C19orf12: variants seen among roughly 807,000 people sequenced by gnomAD.
C19orf12 encodes protein C19orf12.
In C19orf12, 2 loss-of-function variants were observed where a neutral mutation model predicts 3.8. That is an observed-to-expected ratio of 0.53 (90% confidence interval 0.22 to 1.66). C19orf12 has a LOEUF of 1.66. Ranked by LOEUF, C19orf12 falls within the 40% of genes most tolerant of loss-of-function variation. The pLI, the probability that C19orf12 is intolerant of heterozygous loss-of-function variation, is 0.20. For missense variants in C19orf12, 156 were observed against 188.8 expected (o/e 0.83, Z 1.02); for synonymous variants, 89 against 84.6 (o/e 1.05, Z -0.28).
In C19orf12 at chr19:29,702,034, C is replaced by T. The variant is rs553070727; in HGVS notation, c.*678G>A. On this transcript the variant is annotated 3_prime_UTR_variant, in exon 3 of 3. Transcript: ENST00000323670. ...AAAAATATTTCATTTGAGAAGTAAA[C>T]CTCAAGAACTACCAGGACTTTTCAG... The T allele has an allele frequency of 1.2e-4, 55 of 452,846 alleles. No individual in the cohort carries two copies. The highest frequency in any genetic ancestry group is 1.0e-3 in the African/African-American group (50 of 50,054). The allele number at this position is 452,846 out of a possible 1,614,324, so 28.1% of individuals were successfully genotyped here.
intron 2 of C19orf12, among the ~76,000 whole-genome samples, chr19:29,703,543 G>A (rs959675799): frequency 2.6e-5 from 4 of 151,760 alleles, no homozygotes; most frequent in Non-Finnish European, 5.9e-5. Context: ...ACCACACCTG[G>A]CTAATTTTTG....
chr19:29,708,459 A>C (rs1470425370), intron 1 of C19orf12, 36 bp from the exon 2 acceptor site: 3 of 1,608,626 alleles, frequency 1.9e-6, no homozygotes, highest in Non-Finnish European at 1.7e-6. Context: ...AGTTTCAATG[A>C]GCATAAGAGT....
At chr19:29,703,383 T>TC (rs1356284602) in intron 2 of C19orf12, among the ~76,000 whole-genome samples, 1 of 142,370 alleles carries the variant, frequency 7.0e-6, no homozygotes, top group Non-Finnish European at 1.5e-5. Flanking sequence ...CTTTTCTTTT[T>TC]TTTTTTTTTT....
intron 1 of C19orf12, 23 bp downstream of exon 1, chr19:29,715,102 C>A (rs1386459698): frequency 1.6e-6 from 1 of 613,990 alleles, no homozygotes; most frequent in South Asian, 1.8e-5. Flanking sequence ...GGCGCCCCGC[C>A]CCGGCTCCGG....
downstream of C19orf12, chr19:29,698,886 T>C (rs753460941): frequency 1.4e-5 from 4 of 289,416 alleles, no homozygotes; most frequent in South Asian, 5.3e-5. Context: ...AAAAGCTGCG[T>C]ACTTTTAAAT....
intron 1 of C19orf12, chr19:29,714,793 T>G (rs531769730): frequency 1.7e-4 from 18 of 108,444 alleles, no homozygotes; most frequent in South Asian, 7.7e-4. Flanking sequence ...CCTCACCCAC[T>G]CCCACCACAT....
intron 2 of C19orf12, chr19:29,705,181 C>T (rs995008948): frequency 8.7e-6 from 2 of 228,648 alleles, no homozygotes; most frequent in South Asian, 5.2e-5. Flanking sequence ...AGGGGCATGT[C>T]ACCTCCCAGG....
chr19:29,711,708 T>C (rs938239341), intron 1 of C19orf12, among the ~76,000 whole-genome samples: 2 of 152,136 alleles, frequency 1.3e-5, no homozygotes, highest in Non-Finnish European at 2.9e-5. Context: ...AGAAAATGCA[T>C]GTAGAAGTGG....
chr19:29,710,147 G>A (rs1000921350), intron 1 of C19orf12, among the ~76,000 whole-genome samples: 1 of 152,194 alleles, frequency 6.6e-6, no homozygotes, highest in African/African-American at 2.4e-5. Context: ...TGGGATTACA[G>A]GTGTGGGCCA....
At chr19:29,703,674 C>G (rs879934080) in intron 2 of C19orf12, among the ~76,000 whole-genome samples, 5 of 152,098 alleles carry the variant, frequency 3.3e-5, no homozygotes, top group Non-Finnish European at 7.4e-5. Context: ...CCACCACAAC[C>G]AGCCACAAAT....
rs1186191488 is a variant in C19orf12 at position 29,700,955 on chromosome 19, C to T, written c.*1757G>A. ...ATTTTTTGTAGAGATGGAGGTCTCACTATATTGCCCAGGCTAGTTTCAAAC... is the reference window on the plus strand; with the variant it reads ...ATTTTTTGTAGAGATGGAGGTCTCATTATATTGCCCAGGCTAGTTTCAAAC... On this transcript the variant is annotated 3_prime_UTR_variant, in exon 3 of 3. Coordinates refer to ENST00000323670, the MANE Select transcript of C19orf12 (RefSeq NM_031448.6). The T allele has an allele frequency of 2.0e-5, 9 of 453,884 alleles. No homozygotes were observed. Among genetic ancestry groups the T allele is most frequent in the Admixed American group, 1.2e-4 (5 of 42,550 alleles). 28.1% of individuals were successfully genotyped at this position (453,884 alleles called of 1,614,324 possible). A position where few individuals can be genotyped will look rare whatever the true frequency, so the allele number is the denominator to read the frequency against.
intron 1 of C19orf12, 75 bp downstream of exon 1, chr19:29,715,050 G>C (rs1430999834): frequency 1.5e-6 from 1 of 674,622 alleles, no homozygotes; most frequent in Admixed American, 2.2e-5. Flanking sequence ...CTCCAGGCCT[G>C]CTCTTGGGGT....
At chr19:29,705,472 G>T in intron 2 of C19orf12, 1 of 292,994 alleles carries the variant, frequency 3.4e-6, no homozygotes, top group Middle Eastern at 1.4e-3. Context: ...TCTGGAGAAT[G>T]GTTAATAGTA....
Position 29,699,470 on chromosome 19 carries a change from G to C in C19orf12, c.*3242C>G, listed in dbSNP as rs886054314. On this transcript the variant is annotated 3_prime_UTR_variant, in exon 3 of 3. Coordinates refer to ENST00000323670, the MANE Select transcript of C19orf12 (RefSeq NM_031448.6). ...TGCACTCCAGCCCGGGCGACAGTGC[G>C]AGACTCCATCTCAAAAAAAAAAAAA... is the stretch of plus-strand genomic sequence containing the variant. 4 of 409,360 alleles carry C rather than the reference G, an allele frequency of 9.8e-6. No homozygotes were observed. Among genetic ancestry groups the C allele is most frequent in the African/African-American group, 9.4e-5 (4 of 42,626 alleles). 25.4% of individuals were successfully genotyped at this position (409,360 alleles called of 1,614,324 possible).
rs1197625890 is a variant in C19orf12, at chr19:29,715,255, C to T, written c.-141G>A. ...GTCGCGCAGGCCTTGGTGGCGGCCC[C>T]GGCGCTGGCCCCGCCCTCCGTCCCA... is the stretch of plus-strand genomic sequence containing the variant. On this transcript the variant is annotated 5_prime_UTR_variant, in exon 1 of 3. Coordinates refer to ENST00000323670, the MANE Select transcript of C19orf12 (RefSeq NM_031448.6). 4 of 384,074 alleles carry T rather than the reference C, an allele frequency of 1.0e-5. No homozygotes were observed. The highest frequency in any genetic ancestry group is 9.2e-5 in the East Asian group (1 of 10,924). 23.8% of individuals were successfully genotyped at this position (384,074 alleles called of 1,614,324 possible).
chr19:29,712,967 C>T lies in C19orf12; in HGVS notation c.-11+2158G>A, dbSNP rs182039096. Among the ~76,000 whole-genome samples the T allele has an allele frequency of 3.8e-3, 577 of 152,304 alleles. 10 individuals are homozygous for T. Among genetic ancestry groups the T allele is most frequent in the Non-Finnish European group, 3.6e-3 (244 of 68,026 alleles). On this transcript the variant is annotated intron_variant, in intron 1 of 2. Coordinates refer to ENST00000323670, the MANE Select transcript of C19orf12 (RefSeq NM_031448.6). ...ACTGTGTTTTAATAGTCCAGCACCA[C>T]GGGTAGAGATGTTGTGGCTGACTCC...
At chr19:29,705,395 C>T (rs756991440) in intron 2 of C19orf12, 10 of 230,312 alleles carry the variant, frequency 4.3e-5, no homozygotes, top group Non-Finnish European at 6.7e-5. Flanking sequence ...AGACTGGATC[C>T]TGAAACCAAA....
At chr19:29,708,146 T>C in intron 2 of C19orf12, 108 bp downstream of exon 2, 3 of 1,512,796 alleles carry the variant, frequency 2.0e-6, no homozygotes, top group Non-Finnish European at 2.7e-6. Flanking sequence ...CCCAAAGTGC[T>C]GGGATTACAG....
At chr19:29,709,516 T>C (rs1336215732) in intron 1 of C19orf12, among the ~76,000 whole-genome samples, 1 of 148,590 alleles carries the variant, frequency 6.7e-6, no homozygotes, top group African/African-American at 2.5e-5. Context: ...GGATAGATTC[T>C]ATTGCTTATT....
Sources: allele counts gnomAD v4.1 joint callset (sites outside exome capture counted in the v4.1 genomes callset), GRCh38; gene constraint gnomAD v4.1.1; transcripts MANE v1.5; gene names NCBI Gene and HGNC (gene_info 2026-07-23, HGNC 2026-07-21).